TADA2A: variants seen among roughly 807,000 people sequenced by gnomAD.
TADA2A encodes transcriptional adapter 2-alpha.
A neutral mutation model predicts 67.4 loss-of-function variants in TADA2A; 38 were observed. The ratio of observed to expected loss-of-function variants is 0.56; its 90% CI spans 0.44 to 0.74. TADA2A has a LOEUF of 0.74. TADA2A is among the 30% of genes least tolerant of loss of function. The probability of loss-of-function intolerance (pLI) is 0.00; values close to 1 mark genes in which losing one functional copy is unlikely to be tolerated. For synonymous variants in TADA2A, 192 were observed against 181.6 expected (o/e 1.06, Z -0.46); for missense variants, 454 against 547.0 (o/e 0.83, Z 1.70).
intron 2 of TADA2A, among the ~76,000 whole-genome samples, chr17:37,412,645 G>T (rs1479088778): frequency 6.6e-6 from 1 of 151,880 alleles, no homozygotes; most frequent in African/African-American, 2.4e-5. Context: ...TTAGCTGGGG[G>T]TAATGGCGAG....
At chr17:37,421,211 TCTCTACAAA>T (rs2052221047) in intron 2 of TADA2A, among the ~76,000 whole-genome samples, 1 of 145,702 alleles carries the variant, frequency 6.9e-6, no homozygotes, top group South Asian at 2.2e-4. Context: ...TGAGACCCTG[TCTCTACAAA>T]AAGTAAAAAT....
intron 8 of TADA2A, among the ~76,000 whole-genome samples, chr17:37,450,298 T>TAA (rs1431297333): frequency 2.0e-5 from 3 of 152,170 alleles, no homozygotes; most frequent in Admixed American, 1.3e-4. Context: ...GGAAATGACT[T>TAA]AAATAGTGTT....
rs2051554282 is a variant in TADA2A, at chr17:37,406,950, G to A, written c.-98+1G>A. The A allele has an allele frequency of 7.9e-6, 1 of 126,340 alleles. No individual in the cohort carries two copies. The highest frequency in any genetic ancestry group is 2.3e-4 in the South Asian group (1 of 4,426). The allele number at this position is 126,340 out of a possible 1,614,324, so 7.8% of individuals were successfully genotyped here. A position where few individuals can be genotyped will look rare whatever the true frequency, so the allele number is the denominator to read the frequency against. On this transcript the variant is annotated splice_donor_variant, in intron 1 of 15. Coordinates refer to ENST00000615182, the MANE Select transcript of TADA2A (RefSeq NM_001166105.3). LOFTEE classifies it low-confidence loss of function (5UTR_SPLICE). ...GCGCGGATTAGGGGGTCTCGGCGAGGTGAGGCGCCAGGCAGCGCTGGGCGG... is the reference window on the plus strand; with the variant it reads ...GCGCGGATTAGGGGGTCTCGGCGAGATGAGGCGCCAGGCAGCGCTGGGCGG...
At chr17:37,434,976 G>A (rs2052677975) in intron 4 of TADA2A, among the ~76,000 whole-genome samples, 1 of 152,150 alleles carries the variant, frequency 6.6e-6, no homozygotes, top group Admixed American at 6.5e-5. Context: ...GCCAGGCACG[G>A]TGGCTCATGC....
rs376913298 is a variant in TADA2A, at chr17:37,476,968, A to G, written c.1318A>G (p.Ile440Val). The G allele has an allele frequency of 4.5e-5, 72 of 1,612,110 alleles. No homozygotes were observed. Among genetic ancestry groups the G allele is most frequent in the Non-Finnish European group, 5.5e-5 (65 of 1,178,698 alleles). Residue 440 changes from isoleucine to valine, a missense_variant, in exon 16 of 16, where the codon ATC becomes GTC. Ile to Val is a conservative substitution (Grantham distance 29). This residue lies in a region of TADA2A where 51 missense variants were observed against 91.5 expected (regional missense o/e 0.56). Coordinates refer to ENST00000615182, the MANE Select transcript of TADA2A (RefSeq NM_001166105.3). ...IYDFLIREGYITKG is the reference protein window; with the variant it reads ...IYDFLIREGYVTKG The stretch of plus-strand genomic sequence containing the variant: ...TGATTTCCTCATCAGAGAAGGATAC[A>G]TCACTAAAGGCTAAGGCTCCAAGAG...
At chr17:37,444,588 A>G in intron 7 of TADA2A, 108 bp from the exon 8 acceptor site, 1 of 919,880 alleles carries the variant, frequency 1.1e-6, no homozygotes, top group South Asian at 1.6e-5. Context: ...CTTTTTAAAC[A>G]ACTGTTTGCT....
intron 2 of TADA2A, among the ~76,000 whole-genome samples, chr17:37,418,571 G>A (rs2052126323): frequency 1.3e-5 from 2 of 151,868 alleles, no homozygotes; most frequent in Admixed American, 1.3e-4. Context: ...GAAAAAACAT[G>A]TATGATATTC....
At chr17:37,439,482 T>C (rs1022876931) in intron 5 of TADA2A, among the ~76,000 whole-genome samples, 1 of 152,072 alleles carries the variant, frequency 6.6e-6, no homozygotes. Context: ...AGGATTTTAC[T>C]GTGTTGCCCA....
chr17:37,425,444 A>G (rs1165635896), intron 3 of TADA2A, among the ~76,000 whole-genome samples: 1 of 152,204 alleles, frequency 6.6e-6, no homozygotes, highest in Non-Finnish European at 1.5e-5. Context: ...ACCTATGATT[A>G]GTATCCCCAT....
intron 6 of TADA2A, among the ~76,000 whole-genome samples, chr17:37,442,338 T>G (rs1336246208): frequency 6.6e-6 from 1 of 152,072 alleles, no homozygotes; most frequent in Non-Finnish European, 1.5e-5. Flanking sequence ...TGATTTCCTT[T>G]CATTTTAGGA....
chr17:37,411,682 G>A (rs1460261224), intron 2 of TADA2A, among the ~76,000 whole-genome samples: 3 of 151,556 alleles, frequency 2.0e-5, no homozygotes, highest in African/African-American at 4.8e-5. Flanking sequence ...CACCCACCTC[G>A]GCCTCCCAAA....
chr17:37,412,937 GT>G (rs946239824), intron 2 of TADA2A, among the ~76,000 whole-genome samples: 1 of 151,494 alleles, frequency 6.6e-6, no homozygotes, highest in South Asian at 2.1e-4. Context: ...AACAATTCGT[GT>G]TTTTTTTGAG....
chr17:37,464,321 A>T (rs1043872262), intron 10 of TADA2A, among the ~76,000 whole-genome samples: 2 of 152,206 alleles, frequency 1.3e-5, no homozygotes. Flanking sequence ...GATGAAAAAA[A>T]TACTTACCTT....
chr17:37,412,928 A>G (rs1485201762), intron 2 of TADA2A, among the ~76,000 whole-genome samples: 1 of 152,068 alleles, frequency 6.6e-6, no homozygotes, highest in African/African-American at 2.4e-5. Context: ...TTCCTCTTCA[A>G]CAATTCGTGT....
rs1357561895 is a variant in TADA2A, at chr17:37,470,551, G to A, written c.1028+19G>A. The A allele has an allele frequency of 6.6e-7, 1 of 1,510,284 alleles. No homozygotes were observed. 93.6% of individuals were successfully genotyped at this position (1,510,284 alleles called of 1,614,324 possible). A position where few individuals can be genotyped will look rare whatever the true frequency, so the allele number is the denominator to read the frequency against. ...CTGACATGTGAGTAATTACTCCAGG[G>A]TGAAGGAGGCATTCTTTCTGGGATG... On this transcript the variant is annotated intron_variant, in intron 13 of 15. Transcript: ENST00000615182.
chr17:37,461,225 C>T (rs2053540018), intron 9 of TADA2A, among the ~76,000 whole-genome samples: 1 of 152,078 alleles, frequency 6.6e-6, no homozygotes, highest in Non-Finnish European at 1.5e-5. Flanking sequence ...GGATCGCGCT[C>T]CTGTGAGAAT....
chr17:37,427,404 T>C (rs947680559), intron 4 of TADA2A, among the ~76,000 whole-genome samples: 3 of 152,204 alleles, frequency 2.0e-5, no homozygotes, highest in Non-Finnish European at 4.4e-5. Flanking sequence ...AGTGGTGTTT[T>C]TGTTGAGCAG....
intron 8 of TADA2A, among the ~76,000 whole-genome samples, chr17:37,450,214 T>G (rs1343536182): frequency 6.6e-6 from 1 of 152,178 alleles, no homozygotes; most frequent in East Asian, 1.9e-4. Flanking sequence ...TCCTGGTTGC[T>G]TACTTTAGCC....
rs1282590106 is a variant in TADA2A, at chr17:37,458,645, G to T, written c.668+58G>T. 7 of 962,686 alleles carry T rather than the reference G, an allele frequency of 7.3e-6. No individual in the cohort carries two copies. In the African/African-American group the frequency reaches 8.4e-5, roughly 12 times the overall value. The allele number at this position is 962,686 out of a possible 1,614,324, so 59.6% of individuals were successfully genotyped here. On this transcript the variant is annotated intron_variant, in intron 9 of 15. Transcript: ENST00000615182. ...AGCTTTGGATTATTGTTTTGTGTGT[G>T]TGTGTGTGTGTGTGTGTGTGTGTGT...
Sources: gnomAD v4.1 joint callset for allele counts (sites outside exome capture counted in the v4.1 genomes callset) on GRCh38, gnomAD v4.1.1 for gene constraint, gnomAD v4.1.1 regional missense constraint, MANE v1.5 for transcripts, NCBI Gene and HGNC (gene_info 2026-07-23, HGNC 2026-07-21) for gene names.